The following ADGRL3 variants were observed in gnomAD, a reference collection of about 807,000 sequenced individuals.
ADGRL3 encodes calcium-independent alpha-latrotoxin receptor 3.
Under a neutral mutation model 153.5 loss-of-function variants are expected in ADGRL3, and 62 were observed. The observed-to-expected ratio is 0.40, with a 90% CI of 0.33 to 0.50. ADGRL3 has a LOEUF of 0.50. Among genes scored for constraint, ADGRL3 ranks in the 20% least tolerant of loss-of-function variants. The probability of loss-of-function intolerance (pLI) is 0.47; values close to 1 mark genes in which losing one functional copy is unlikely to be tolerated. For synonymous variants in ADGRL3, 710 were observed against 672.5 expected, an observed-to-expected ratio of 1.06 and a Z score of -0.86; for missense variants, 1,641 against 1,859.4, an observed-to-expected ratio of 0.88 and a Z score of 2.16.
intron 2 of ADGRL3, among the ~76,000 whole-genome samples, chr4:61,487,636 A>C (rs889008928): frequency 2.0e-5 from 3 of 152,094 alleles, no homozygotes; most frequent in Non-Finnish European, 4.4e-5. Context: ...CATAAAAATC[A>C]ATCCTTGATT....
At chr4:61,552,125 A>C (rs1203017158) in intron 4 of ADGRL3, among the ~76,000 whole-genome samples, 1 of 151,786 alleles carries the variant, frequency 6.6e-6, no homozygotes, top group Non-Finnish European at 1.5e-5. Flanking sequence ...TGCCTAGGTA[A>C]CAGACCCAAT....
At chr4:61,538,622 A>G (rs2098671591) in intron 4 of ADGRL3, among the ~76,000 whole-genome samples, 1 of 151,954 alleles carries the variant, frequency 6.6e-6, no homozygotes, top group East Asian at 1.9e-4. Flanking sequence ...TTGTATTTTT[A>G]GTAGAGACAG....
rs1205828640 is a variant in ADGRL3, at chr4:61,935,934, G to T, written c.2308G>T (p.Ala770Ser). 1.3e-6 allele frequency: 2 copies of T among 1,592,550 alleles called. No homozygotes were observed. Among genetic ancestry groups the T allele is most frequent in the Non-Finnish European group, 1.7e-6 (2 of 1,168,500 alleles). Residue 770 changes from alanine (A) to serine (S), a missense_variant, in exon 15 of 27, where the codon GCA becomes TCA. By Grantham distance (99) the Ala-to-Ser change is moderately conservative. Transcript: ENST00000683033. ...TTTGATATTAACAGAATTGGAAGTT[G>T]CAAGACTGAGCACAGAAGGAAACTT... Reference protein sequence around the residue: ...ENTDNIKLEVARLSTEGNLED... With the variant: ...ENTDNIKLEVSRLSTEGNLED...
intron 5 of ADGRL3, among the ~76,000 whole-genome samples, chr4:61,630,489 T>G (rs1225345455): frequency 6.6e-6 from 1 of 152,228 alleles, no homozygotes; most frequent in Non-Finnish European, 1.5e-5. Flanking sequence ...ATCTACATGC[T>G]GTTGGTTGTT....
chr4:61,875,175 C>T (rs953044778), intron 9 of ADGRL3, among the ~76,000 whole-genome samples: 2 of 152,148 alleles, frequency 1.3e-5, no homozygotes, highest in Non-Finnish European at 1.5e-5. Flanking sequence ...TTCTGTAGAC[C>T]TGCACTTTGT....
At chr4:61,515,114 C>T (rs2098485167) in intron 3 of ADGRL3, among the ~76,000 whole-genome samples, 1 of 152,144 alleles carries the variant, frequency 6.6e-6, no homozygotes. Flanking sequence ...TTTACCCTGG[C>T]TTACAAAGCT....
At chr4:61,791,585 A>C (rs905628195) in intron 8 of ADGRL3, among the ~76,000 whole-genome samples, 5 of 152,174 alleles carry the variant, frequency 3.3e-5, no homozygotes, top group Admixed American at 3.3e-4. Context: ...TGAGATCTGG[A>C]GGACAGAGGC....
At chr4:61,956,008 T>C (rs2098964928) in intron 17 of ADGRL3, among the ~76,000 whole-genome samples, 1 of 152,216 alleles carries the variant, frequency 6.6e-6, no homozygotes, top group Non-Finnish European at 1.5e-5. Context: ...CATGTGCATG[T>C]ATCTTTATAG....
intron 8 of ADGRL3, among the ~76,000 whole-genome samples, chr4:61,772,607 C>A (rs183712839): frequency 2.0e-5 from 3 of 152,170 alleles, no homozygotes; most frequent in African/African-American, 7.2e-5. Flanking sequence ...TGTGATAGGG[C>A]AAAGTATGGG....
chr4:61,601,532 A>G (rs2099011551), intron 5 of ADGRL3, among the ~76,000 whole-genome samples: 1 of 152,206 alleles, frequency 6.6e-6, no homozygotes, highest in Non-Finnish European at 1.5e-5. Flanking sequence ...GTTTTTGCAC[A>G]TATTTGATAT....
chr4:61,457,851 C>CAGAT (rs149992520), intron 2 of ADGRL3, among the ~76,000 whole-genome samples: 43,873 of 145,978 alleles, frequency 0.3, 6,757 homozygotes, highest in South Asian at 0.35. Context: ...TCACAGATGA[C>CAGAT]AGATAGATAG....
chr4:61,579,248 A>G (rs984319522), intron 4 of ADGRL3, among the ~76,000 whole-genome samples: 5 of 152,098 alleles, frequency 3.3e-5, no homozygotes, highest in African/African-American at 1.2e-4. Flanking sequence ...TTAAATTGGC[A>G]TATTTTAAAA....
At chr4:61,423,701 G>A (rs1033644604) in intron 2 of ADGRL3, among the ~76,000 whole-genome samples, 10 of 152,164 alleles carry the variant, frequency 6.6e-5, no homozygotes, top group Admixed American at 5.9e-4. Flanking sequence ...GGTCATGATT[G>A]TGAGAGGTTT....
chr4:61,655,627 G>T (rs529454218), intron 5 of ADGRL3, among the ~76,000 whole-genome samples: 1 of 152,080 alleles, frequency 6.6e-6, no homozygotes, highest in Admixed American at 6.6e-5. Context: ...TCAAAGCTGG[G>T]GTTGTGGTCA....
chr4:62,070,584 A>T lies in ADGRL3; in HGVS notation c.4308A>T (p.Leu1436=). The T allele has an allele frequency of 6.4e-7, 1 of 1,551,208 alleles. No homozygotes were observed. Among genetic ancestry groups the T allele is most frequent in the Non-Finnish European group, 8.7e-7 (1 of 1,146,962 alleles). The change falls in exon 27 of 27, where the codon CTA becomes CTT. Residue 1436 remains leucine (L), a synonymous_variant. Coordinates refer to ENST00000683033, the MANE Select transcript of ADGRL3 (RefSeq NM_001387552.1). ...ACAGTGAGAGCTTTTTCCCTTTGCT[A>T]ACCAACGAGCACACAGAAGATCTCC... ...QDHSESFFPL[L]TNEHTEDLQS...
intron 25 of ADGRL3, among the ~76,000 whole-genome samples, chr4:62,050,374 G>C (rs1258083514): frequency 2.6e-5 from 4 of 151,992 alleles, no homozygotes; most frequent in African/African-American, 9.7e-5. Context: ...CCCTTCAGAA[G>C]CTTAGAGAAC....
At chr4:61,622,600 G>GA (rs1159161839) in intron 5 of ADGRL3, among the ~76,000 whole-genome samples, 7 of 151,910 alleles carry the variant, frequency 4.6e-5, no homozygotes, top group African/African-American at 1.4e-4. Flanking sequence ...GATGAAAAAA[G>GA]AAAAAAGAAC....
Position 61,365,005 on chromosome 4 carries a change from A to C in ADGRL3, c.-239-18119A>C, listed in dbSNP as rs141169922. Reference sequence around the variant, plus strand: ...GTTGAATTTCTAGAGGGATCATTAAATACTAGGATATTCTCTAAAAGACAG... The same window carrying C: ...GTTGAATTTCTAGAGGGATCATTAACTACTAGGATATTCTCTAAAAGACAG... On this transcript the variant is annotated intron_variant, in intron 1 of 26. Transcript: ENST00000683033. Among the ~76,000 whole-genome samples the C allele has an allele frequency of 4.8e-3, 728 of 152,314 alleles. 10 individuals are homozygous for C. The highest frequency in any genetic ancestry group is 0.017 in the African/African-American group (701 of 41,572).
intron 8 of ADGRL3, among the ~76,000 whole-genome samples, chr4:61,777,582 G>A (rs1235824665): frequency 1.3e-5 from 2 of 152,090 alleles, no homozygotes; most frequent in African/African-American, 4.8e-5. Context: ...AGGACTGATA[G>A]TTCACTTAGA....
Sources: gnomAD v4.1 joint callset for allele counts (sites outside exome capture counted in the v4.1 genomes callset) on GRCh38, gnomAD v4.1.1 for gene constraint, MANE v1.5 for transcripts, NCBI Gene and HGNC (gene_info 2026-07-23, HGNC 2026-07-21) for gene names.